Variants in PDE3B observed in about 807,000 individuals in gnomAD.
PDE3B encodes phosphodiesterase 3B, also known as cGMP-inhibited 3',5'-cyclic phosphodiesterase 3B.
PDE3B carries 66 observed loss-of-function variants against 116.8 expected under a neutral mutation model. The observed-to-expected ratio is 0.56, with a 90% CI of 0.46 to 0.69. The LOEUF (loss-of-function observed/expected upper bound fraction) is 0.69. Ranked by LOEUF, PDE3B falls within the 30% of genes least tolerant of loss-of-function variation. The probability of loss-of-function intolerance (pLI) is 0.00; values close to 1 mark genes in which losing one functional copy is unlikely to be tolerated. For synonymous variants in PDE3B, 595 were observed against 533.6 expected (o/e 1.12, Z -1.59); for missense variants, 1,384 against 1,368.1 (o/e 1.01, Z -0.18).
At chr11:14,863,940 A>T (rs1792401195) in intron 14 of PDE3B, among the ~76,000 whole-genome samples, 1 of 152,244 alleles carries the variant, frequency 6.6e-6, no homozygotes, top group Non-Finnish European at 1.5e-5. Context: ...GACAGGATCA[A>T]ATTCATACAT....
intron 1 of PDE3B, among the ~76,000 whole-genome samples, chr11:14,732,902 A>G (rs898820587): frequency 2.6e-5 from 4 of 152,222 alleles, no homozygotes; most frequent in Admixed American, 2.0e-4. Flanking sequence ...TGCCTACCAT[A>G]AAACACTGAT....
the PDE3B span, chr11:14,892,129 C>T: frequency 1.2e-5 from 19 of 1,611,496 alleles, no homozygotes; most frequent in East Asian, 2.2e-5. Flanking sequence ...CTGGCGGACC[C>T]CTAGCGCGAA....
intron 1 of PDE3B, among the ~76,000 whole-genome samples, chr11:14,695,953 T>A (rs7945265): frequency 5.4e-4 from 82 of 152,298 alleles, no homozygotes; most frequent in African/African-American, 1.8e-3. Context: ...TTTGCTATTG[T>A]GAATCGTGCT....
chr11:14,644,255 G>A lies in PDE3B; in HGVS notation c.180G>A (p.Arg60=). The A allele has an allele frequency of 1.3e-6, 2 of 1,566,904 alleles. No individual in the cohort carries two copies. Among genetic ancestry groups the A allele is most frequent in the East Asian group, 2.4e-5 (1 of 41,316 alleles). Residue 60 remains arginine, a synonymous_variant, in exon 1 of 16, where the codon CGG becomes CGA. Coordinates refer to ENST00000282096, the MANE Select transcript of PDE3B (RefSeq NM_000922.4). ...HLCRFCNVEL[R]PPPASPQQPR... is the part of the protein sequence containing the mutation. ...GCCGCTTCTGCAACGTGGAGCTGCG[G>A]CCGCCGCCGGCCTCTCCCCAGCAGC...
intron 5 of PDE3B, among the ~76,000 whole-genome samples, chr11:14,804,886 C>T (rs1323591126): frequency 6.6e-6 from 1 of 151,968 alleles, no homozygotes; most frequent in African/African-American, 2.4e-5. Flanking sequence ...AAATTAAAAG[C>T]TTATTCAAGG....
At chr11:14,663,747 C>G (rs1302155419) in intron 1 of PDE3B, among the ~76,000 whole-genome samples, 4 of 152,190 alleles carry the variant, frequency 2.6e-5, no homozygotes, top group African/African-American at 9.7e-5. Flanking sequence ...GCACCCAATA[C>G]AGGAGCACCC....
chr11:14,849,417 A>G lies in PDE3B; in HGVS notation c.2520+5391A>G, dbSNP rs559580693. Among the ~76,000 whole-genome samples the G allele has an allele frequency of 1.4e-4, 22 of 152,318 alleles. No individual in the cohort carries two copies. In the East Asian group the frequency reaches 4.1e-3, roughly 28 times the overall value. The stretch of plus-strand genomic sequence containing the variant: ...AAACCTAGGCATTACCATTCAGGAG[A>G]TAGGCATGGGCAAGGACTTCATGTC... On this transcript the variant is annotated intron_variant, in intron 12 of 15. Coordinates refer to ENST00000282096, the MANE Select transcript of PDE3B (RefSeq NM_000922.4).
chr11:14,865,674 G>T (rs2133994955), intron 14 of PDE3B, among the ~76,000 whole-genome samples: 1 of 152,026 alleles, frequency 6.6e-6, no homozygotes, highest in African/African-American at 2.4e-5. Flanking sequence ...GTAGTAAATG[G>T]CTATATTTAC....
At chr11:14,717,240 A>T (rs1435158066) in intron 1 of PDE3B, among the ~76,000 whole-genome samples, 1 of 73,070 alleles carries the variant, frequency 1.4e-5, no homozygotes, top group African/African-American at 5.9e-5. Context: ...AAAAGAAATG[A>T]GCAAAGCCTC....
At chr11:14,673,802 C>T (rs1245031936) in intron 1 of PDE3B, 8 of 865,366 alleles carry the variant, frequency 9.2e-6, no homozygotes, top group Non-Finnish European at 1.6e-5. Flanking sequence ...ACATGGGTGC[C>T]TTGGGGTGAT....
At position 14,845,579 on chromosome 11, in the gene PDE3B, T is replaced by G. The variant is rs543787678; in HGVS notation, c.2520+1553T>G. The stretch of plus-strand genomic sequence containing the variant: ...AAATTCAAACCAAAGGCAAAGAAGT[T>G]GAAAACTTTGAAAAAAATTTAGAAG... On this transcript the variant is annotated intron_variant, in intron 12 of 15. Coordinates refer to ENST00000282096, the MANE Select transcript of PDE3B (RefSeq NM_000922.4). Among the ~76,000 whole-genome samples the G allele has an allele frequency of 1.1e-4, 17 of 152,220 alleles. No individual in the cohort carries two copies. The South Asian group carries it at 3.3e-3, about 30-fold the overall frequency.
the PDE3B span, among the ~76,000 whole-genome samples, chr11:14,897,183 A>G: frequency 1.3e-5 from 2 of 152,350 alleles, no homozygotes; most frequent in South Asian, 2.1e-4. Context: ...GTGCAGAGGA[A>G]GTGTATATGT....
chr11:14,764,213 A>G (rs1435305786), intron 1 of PDE3B, among the ~76,000 whole-genome samples: 1 of 152,132 alleles, frequency 6.6e-6, no homozygotes. Context: ...GTTGCCAGAG[A>G]CAATGGTACA....
intron 4 of PDE3B, among the ~76,000 whole-genome samples, chr11:14,801,893 C>G (rs1858781350): frequency 6.6e-6 from 1 of 152,210 alleles, no homozygotes; most frequent in African/African-American, 2.4e-5. Flanking sequence ...GTGGGGTCCA[C>G]CCAGTTCAAA....
At chr11:14,697,963 T>G (rs1209353192) in intron 1 of PDE3B, among the ~76,000 whole-genome samples, 1 of 152,078 alleles carries the variant, frequency 6.6e-6, no homozygotes, top group Non-Finnish European at 1.5e-5. Flanking sequence ...GTTTTCTTTT[T>G]GATCTTTATA....
chr11:14,688,350 C>T (rs537908096), intron 1 of PDE3B, among the ~76,000 whole-genome samples: 179 of 152,250 alleles, frequency 1.2e-3, no homozygotes, highest in African/African-American at 4.0e-3. Flanking sequence ...AAAATGGACA[C>T]ACTGAATCTT....
chr11:14,882,645 A>G, the PDE3B span, among the ~76,000 whole-genome samples: 18 of 152,172 alleles, frequency 1.2e-4, no homozygotes, highest in South Asian at 3.5e-3. Context: ...GTACCTTAAA[A>G]CAACACATAT....
chr11:14,867,810 C>G (rs781867038), intron 15 of PDE3B, 52 bp downstream of exon 15: 10 of 1,474,354 alleles, frequency 6.8e-6, no homozygotes, highest in Non-Finnish European at 7.3e-6. Context: ...TTGAGTATTC[C>G]AAGTCTGAAA....
intron 5 of PDE3B, among the ~76,000 whole-genome samples, chr11:14,812,999 A>G (rs1859199437): frequency 6.6e-6 from 1 of 152,160 alleles, no homozygotes; most frequent in Non-Finnish European, 1.5e-5. Flanking sequence ...CCATGTGAGG[A>G]CACGAGAAGA....
Sources: gnomAD v4.1 joint callset for allele counts (sites outside exome capture counted in the v4.1 genomes callset) on GRCh38, gnomAD v4.1.1 for gene constraint, MANE v1.5 for transcripts, NCBI Gene and HGNC (gene_info 2026-07-23, HGNC 2026-07-21) for gene names.